Variants in TMEM63C observed in about 807,000 individuals in gnomAD.
TMEM63C encodes the protein transmembrane protein 63C, also known as osmosensitive cation channel TMEM63C.
TMEM63C carries 32 observed loss-of-function variants against 99.2 expected under a neutral mutation model. The ratio of observed to expected loss-of-function variants is 0.32; its 90% CI spans 0.24 to 0.43. The LOEUF is 0.43. Ranked by LOEUF, TMEM63C falls within the 20% of genes least tolerant of loss-of-function variation. The probability of loss-of-function intolerance (pLI) is 1.00; values close to 1 mark genes in which losing one functional copy is unlikely to be tolerated. For synonymous variants in TMEM63C, 376 were observed against 397.9 expected, an observed-to-expected ratio of 0.94 and a Z score of 0.66; for missense variants, 826 against 1,053.0, an observed-to-expected ratio of 0.78 and a Z score of 2.98.
chr14:77,211,294 G>T (rs1888493286), intron 1 of TMEM63C, among the ~76,000 whole-genome samples: 1 of 152,154 alleles, frequency 6.6e-6, no homozygotes, highest in Non-Finnish European at 1.5e-5. Flanking sequence ...CGTGACCTCG[G>T]GCCAGTTAAC....
intron 6 of TMEM63C, among the ~76,000 whole-genome samples, chr14:77,230,388 C>T (rs987565266): frequency 6.6e-5 from 10 of 152,200 alleles, no homozygotes; most frequent in African/African-American, 2.2e-4. Flanking sequence ...TGAAACCACA[C>T]AGTATGTGTT....
At chr14:77,182,531 G>C (rs1887931860) in intron 1 of TMEM63C, among the ~76,000 whole-genome samples, 1 of 152,178 alleles carries the variant, frequency 6.6e-6, no homozygotes, top group Non-Finnish European at 1.5e-5. Flanking sequence ...GCTGTGGCTT[G>C]ACCAAGGTCA....
At position 77,231,450 on chromosome 14, in the gene TMEM63C, A is replaced by G. The variant is rs573974589; in HGVS notation, c.351-138A>G. On this transcript the variant is annotated intron_variant, in intron 6 of 23. Transcript: ENST00000298351. ...GGGCAATTTCGAAGTTGCCTTATAT[A>G]TGAGATATAGAGATAGTAAAAAAAA... is the stretch of plus-strand genomic sequence containing the variant. 1.5e-4 allele frequency: 124 copies of G among 846,216 alleles called. 1 individual carries two copies. In the African/African-American group the frequency reaches 1.7e-3, roughly 12 times the overall value. 52.4% of individuals were successfully genotyped at this position (846,216 alleles called of 1,614,324 possible).
chr14:77,240,836 C>T (rs949738940), intron 13 of TMEM63C, among the ~76,000 whole-genome samples: 1 of 152,230 alleles, frequency 6.6e-6, no homozygotes, highest in Non-Finnish European at 1.5e-5. Flanking sequence ...TCCTCACTCC[C>T]TGTCCTTGCT....
chr14:77,198,700 G>T (rs1353486721), intron 1 of TMEM63C, among the ~76,000 whole-genome samples: 7 of 152,196 alleles, frequency 4.6e-5, no homozygotes, highest in Admixed American at 4.6e-4. Flanking sequence ...AATAGTGGTG[G>T]TTTTTGGCAG....
chr14:77,241,582 G>A (rs866088224), intron 13 of TMEM63C, among the ~76,000 whole-genome samples: 1 of 152,196 alleles, frequency 6.6e-6, no homozygotes, highest in African/African-American at 2.4e-5. Flanking sequence ...CAAAGGAAGA[G>A]CAGAACTACC....
chr14:77,186,034 C>T (rs748831334), intron 1 of TMEM63C, among the ~76,000 whole-genome samples: 2 of 150,978 alleles, frequency 1.3e-5, no homozygotes, highest in Non-Finnish European at 3.0e-5. Flanking sequence ...TTTTTTGAAA[C>T]AGAGTCTCGT....
intron 6 of TMEM63C, among the ~76,000 whole-genome samples, chr14:77,227,862 C>T (rs1888857451): frequency 1.3e-5 from 2 of 151,874 alleles, no homozygotes; most frequent in Non-Finnish European, 2.9e-5. Flanking sequence ...TCACCTTTTT[C>T]CAGAGGTGCA....
At chr14:77,255,666 C>T (rs1889448556) in intron 23 of TMEM63C, among the ~76,000 whole-genome samples, 1 of 152,218 alleles carries the variant, frequency 6.6e-6, no homozygotes, top group African/African-American at 2.4e-5. Flanking sequence ...GCAATTTACA[C>T]TCAGAGAGAT....
At chr14:77,256,486 A>G (rs868522197) in intron 23 of TMEM63C, 40 bp from the exon 24 acceptor site, 4 of 1,607,244 alleles carry the variant, frequency 2.5e-6, no homozygotes, top group Middle Eastern at 1.7e-4. Flanking sequence ...CTTGCCCCCA[A>G]CGTGACCTTG....
At chr14:77,217,739 A>T (rs113082715) in intron 2 of TMEM63C, among the ~76,000 whole-genome samples, 17 of 152,348 alleles carry the variant, frequency 1.1e-4, no homozygotes, top group African/African-American at 4.1e-4. Context: ...TCTCACCAAA[A>T]TGTTCAGGCT....
chr14:77,231,511 C>G, intron 6 of TMEM63C, 77 bp from the exon 7 acceptor site: 20 of 1,498,952 alleles, frequency 1.3e-5, no homozygotes, highest in Non-Finnish European at 1.7e-5. Flanking sequence ...ATTTTCTGCC[C>G]TTCCCTCTAC....
At chr14:77,191,527 TTTTTCTTTTTC>T (rs1888106876) in intron 1 of TMEM63C, among the ~76,000 whole-genome samples, 1 of 124,400 alleles carries the variant, frequency 8.0e-6, no homozygotes, top group Non-Finnish European at 1.7e-5. Flanking sequence ...TTTCTTTTCT[TTTTTCTTTTTC>T]TTTTTTTTTT....
At chr14:77,206,834 GA>G (rs1349213578) in intron 1 of TMEM63C, among the ~76,000 whole-genome samples, 1 of 151,752 alleles carries the variant, frequency 6.6e-6, no homozygotes, top group African/African-American at 2.4e-5. Context: ...TTCAAACTCA[GA>G]AAAAAATGTT....
intron 8 of TMEM63C, among the ~76,000 whole-genome samples, chr14:77,234,710 A>G (rs1004902840): frequency 6.6e-6 from 1 of 152,188 alleles, no homozygotes; most frequent in Non-Finnish European, 1.5e-5. Flanking sequence ...CCTATTTCTG[A>G]GTAGCAATCC....
chr14:77,187,945 G>A (rs1163137202), intron 1 of TMEM63C, among the ~76,000 whole-genome samples: 1 of 152,184 alleles, frequency 6.6e-6, no homozygotes, highest in Admixed American at 6.5e-5. Context: ...TTGTGTGTGG[G>A]GCGGGGGGAT....
intron 2 of TMEM63C, among the ~76,000 whole-genome samples, chr14:77,216,320 C>T (rs556526085): frequency 6.6e-6 from 1 of 152,320 alleles, no homozygotes; most frequent in East Asian, 1.9e-4. Context: ...CTCCCCTGCC[C>T]TGTAGATATT....
intron 1 of TMEM63C, among the ~76,000 whole-genome samples, chr14:77,187,443 C>T (rs1888021794): frequency 6.6e-6 from 1 of 152,234 alleles, no homozygotes; most frequent in South Asian, 2.1e-4. Flanking sequence ...CCCGCCCCCA[C>T]CAGGTTCCGA....
At chr14:77,243,837 G>A (rs74063858) in intron 15 of TMEM63C, among the ~76,000 whole-genome samples, 7 of 151,914 alleles carry the variant, frequency 4.6e-5, no homozygotes, top group South Asian at 2.1e-4. Flanking sequence ...GTCAACAGAC[G>A]TGTGCATGCA....
Sources: allele counts gnomAD v4.1 joint callset (sites outside exome capture counted in the v4.1 genomes callset), GRCh38; gene constraint gnomAD v4.1.1; transcripts MANE v1.5; gene names NCBI Gene and HGNC (gene_info 2026-07-23, HGNC 2026-07-21).